Variants in TTC28 observed in about 807,000 individuals in gnomAD.
TTC28 encodes the protein tetratricopeptide repeat protein 28.
A neutral mutation model predicts 198.0 loss-of-function variants in TTC28; 61 were observed. The ratio of observed to expected loss-of-function variants is 0.31; its 90% CI spans 0.25 to 0.38. The LOEUF (loss-of-function observed/expected upper bound fraction) is 0.38, where lower values mean the gene tolerates loss of function less well. Among genes scored for constraint, TTC28 ranks in the 10% least tolerant of loss-of-function variants. The pLI is 1.00. For synonymous variants in TTC28, 1,171 were observed against 1,297.8 expected (o/e 0.90, Z 2.10); for missense variants, 2,678 against 3,164.0 (o/e 0.85, Z 3.69).
chr22:28,064,706 A>C (rs1940685827), intron 12 of TTC28, among the ~76,000 whole-genome samples: 1 of 152,212 alleles, frequency 6.6e-6, no homozygotes, highest in Non-Finnish European at 1.5e-5. Context: ...AGAACTAAGA[A>C]GGCAAAGCAG....
intron 2 of TTC28, among the ~76,000 whole-genome samples, chr22:28,586,358 T>C (rs1372973500): frequency 6.6e-6 from 1 of 151,698 alleles, no homozygotes; most frequent in Non-Finnish European, 1.5e-5. Flanking sequence ...GGACACAGTT[T>C]TACAAATAAA....
At chr22:28,070,303 C>T (rs137968004) in intron 12 of TTC28, among the ~76,000 whole-genome samples, 25 of 152,174 alleles carry the variant, frequency 1.6e-4, no homozygotes, top group African/African-American at 5.3e-4. Flanking sequence ...TTAACCTCCA[C>T]ACAATAAATA....
Position 28,589,071 on chromosome 22 carries a change from G to C in TTC28, c.381+40481C>G, listed in dbSNP as rs548299117. ...ATTTCTCTTTCTGATCTCACACAAG[G>C]AAAAGAAAGTAGCATTGAAGTACTC... On this transcript the variant is annotated intron_variant, in intron 2 of 22. Coordinates refer to ENST00000397906, the MANE Select transcript of TTC28 (RefSeq NM_001145418.2). Among the ~76,000 whole-genome samples, 24 of 152,184 alleles carry C rather than the reference G, an allele frequency of 1.6e-4. 1 individual carries two copies. The highest frequency in any genetic ancestry group is 6.8e-3 in the Middle Eastern group (2 of 294).
intron 2 of TTC28, among the ~76,000 whole-genome samples, chr22:28,404,004 T>G (rs1249343560): frequency 3.3e-5 from 5 of 152,210 alleles, no homozygotes; most frequent in African/African-American, 1.2e-4. Context: ...TTGGCTTGGC[T>G]TTTGATCTCT....
rs1432088808 is a variant in TTC28, at chr22:28,046,845, G to A, written c.3933-16479C>T. Among the ~76,000 whole-genome samples the A allele has an allele frequency of 2.0e-5, 3 of 152,128 alleles. No individual in the cohort carries two copies. In the East Asian group the frequency reaches 5.8e-4, roughly 29 times the overall value. ...CAGGCTGCATGATTGTTGTATGTGT[G>A]GATATACGTGCATGTGTGTTTGTAT... On this transcript the variant is annotated intron_variant, in intron 12 of 22. Coordinates refer to ENST00000397906, the MANE Select transcript of TTC28 (RefSeq NM_001145418.2).
chr22:28,338,205 G>T (rs1438134380), intron 2 of TTC28, among the ~76,000 whole-genome samples: 1 of 152,214 alleles, frequency 6.6e-6, no homozygotes, highest in Non-Finnish European at 1.5e-5. Flanking sequence ...TCTGTCGAGA[G>T]ATCAGCTGTT....
intron 6 of TTC28, among the ~76,000 whole-genome samples, chr22:28,140,074 T>C (rs1473666419): frequency 6.6e-6 from 1 of 152,156 alleles, no homozygotes; most frequent in Non-Finnish European, 1.5e-5. Context: ...GCCTGGGTGA[T>C]CTTGGATGTG....
At chr22:27,999,446 G>T (rs1937615436) in intron 15 of TTC28, 186 bp from the exon 16 acceptor site, 4 of 859,500 alleles carry the variant, frequency 4.7e-6, no homozygotes, top group Non-Finnish European at 7.0e-6. Context: ...AACTTACTGA[G>T]AATCATGCCT....
chr22:28,132,725 C>G (rs1943088784), intron 6 of TTC28, among the ~76,000 whole-genome samples: 1 of 152,160 alleles, frequency 6.6e-6, no homozygotes, highest in African/African-American at 2.4e-5. Flanking sequence ...AATCCTTCAG[C>G]AAATACGACT....
chr22:28,314,872 C>CT (rs1487803393), intron 2 of TTC28, among the ~76,000 whole-genome samples: 1 of 151,702 alleles, frequency 6.6e-6, no homozygotes, highest in Non-Finnish European at 1.5e-5. Flanking sequence ...GACCTTATCT[C>CT]TAAAAAAAAG....
intron 2 of TTC28, among the ~76,000 whole-genome samples, chr22:28,430,036 A>ATTTTT (rs919396993): frequency 1.5e-4 from 17 of 109,958 alleles, no homozygotes; most frequent in African/African-American, 2.0e-4. Context: ...CTGGAATATG[A>ATTTTT]TTTTTTTTTT....
chr22:28,421,945 A>AG (rs1375968928), intron 2 of TTC28, among the ~76,000 whole-genome samples: 1 of 152,008 alleles, frequency 6.6e-6, no homozygotes, highest in Non-Finnish European at 1.5e-5. Context: ...AAAAAAAAAA[A>AG]AAAAGAAGAG....
chr22:28,150,348 G>T (rs5762496), intron 6 of TTC28, among the ~76,000 whole-genome samples: 7 of 152,134 alleles, frequency 4.6e-5, no homozygotes, highest in Admixed American at 4.6e-4. Context: ...TCTTCAAATA[G>T]AATTCTCCAT....
At chr22:28,090,513 C>T (rs1569133413) in intron 12 of TTC28, among the ~76,000 whole-genome samples, 1 of 151,924 alleles carries the variant, frequency 6.6e-6, no homozygotes, top group Non-Finnish European at 1.5e-5. Flanking sequence ...AATATATAAA[C>T]CTAGGACAGA....
intron 2 of TTC28, among the ~76,000 whole-genome samples, chr22:28,468,175 A>T (rs748179731): frequency 3.9e-5 from 6 of 152,138 alleles, no homozygotes; most frequent in Non-Finnish European, 7.3e-5. Flanking sequence ...GAATGTGAGC[A>T]TGGTTTGGGG....
chr22:28,563,682 CT>C (rs2049926259), intron 2 of TTC28, among the ~76,000 whole-genome samples: 1 of 152,006 alleles, frequency 6.6e-6, no homozygotes, highest in South Asian at 2.1e-4. Context: ...AATTGGAACC[CT>C]TGTAGATTGC....
intron 2 of TTC28, among the ~76,000 whole-genome samples, chr22:28,393,623 G>A (rs1206391014): frequency 3.9e-5 from 6 of 152,122 alleles, no homozygotes; most frequent in Non-Finnish European, 8.8e-5. Context: ...GAGCCCAGGA[G>A]GTAAAGGCTG....
At position 28,174,718 on chromosome 22, in the gene TTC28, A is replaced by G. The variant is rs552642651; in HGVS notation, c.934-11119T>C. Among the ~76,000 whole-genome samples, 156 of 152,302 alleles carry G rather than the reference A, an allele frequency of 1.0e-3. 2 individuals carry two copies. The highest frequency in any genetic ancestry group is 3.4e-3 in the African/African-American group (142 of 41,570). ...ACACAGCGAAACCCCATATCTTAAG[A>G]AAAAGAAAAACTAAGAAAAATCCAC... On this transcript the variant is annotated intron_variant, in intron 5 of 22. Coordinates refer to ENST00000397906, the MANE Select transcript of TTC28 (RefSeq NM_001145418.2).
At chr22:28,030,758 G>A (rs1939042394) in intron 12 of TTC28, among the ~76,000 whole-genome samples, 1 of 152,242 alleles carries the variant, frequency 6.6e-6, no homozygotes, top group South Asian at 2.1e-4. Context: ...GCAGCTGTGA[G>A]GCAGTCCTCC....
Sources: allele counts gnomAD v4.1 joint callset (sites outside exome capture counted in the v4.1 genomes callset), GRCh38; gene constraint gnomAD v4.1.1; transcripts MANE v1.5; gene names NCBI Gene and HGNC (gene_info 2026-07-23, HGNC 2026-07-21).